MYO1E: variants seen among roughly 807,000 people sequenced by gnomAD.
MYO1E encodes the protein myosin IE.
Under a neutral mutation model 151.1 loss-of-function variants are expected in MYO1E, and 68 were observed. That is an observed-to-expected ratio of 0.45 (90% CI 0.37 to 0.55). The LOEUF (loss-of-function observed/expected upper bound fraction) is 0.55. MYO1E is among the 20% of genes least tolerant of loss of function. MYO1E has a pLI of 0.00. For missense variants in MYO1E, 1,363 were observed against 1,389.3 expected (o/e 0.98, Z 0.30); for synonymous variants, 601 against 501.7 (o/e 1.20, Z -2.64).
In MYO1E at chr15:59,213,126, G is replaced by C. The variant is rs576976401; in HGVS notation, c.1275+1102C>G. On this transcript the variant is annotated intron_variant, in intron 12 of 27. Coordinates refer to ENST00000288235, the MANE Select transcript of MYO1E (RefSeq NM_004998.4). ...ATCAGGAAACAATGGAAACTGCACT[G>C]AACTATTTATTTATTATTATTATTA... Among the ~76,000 whole-genome samples the C allele has an allele frequency of 2.2e-5, 3 of 134,904 alleles. No homozygotes were observed. In the South Asian group the frequency reaches 7.1e-4, roughly 32 times the overall value. The allele number at this position is 134,904 out of a possible 152,430, so 88.5% of individuals were successfully genotyped here.
chr15:59,141,797 CAAAAA>C (rs753344067), intron 26 of MYO1E, among the ~76,000 whole-genome samples: 8 of 44,934 alleles, frequency 1.8e-4, no homozygotes, highest in Non-Finnish European at 3.5e-4. Context: ...GACTTTGTCT[CAAAAA>C]AAAAAAAAAA....
At chr15:59,302,238 G>T (rs1327587629) in intron 1 of MYO1E, among the ~76,000 whole-genome samples, 2 of 152,116 alleles carry the variant, frequency 1.3e-5, no homozygotes, top group Non-Finnish European at 2.9e-5. Flanking sequence ...TAAGATTTAG[G>T]GACATGTCCA....
chr15:59,358,230 G>A (rs767207504), intron 1 of MYO1E, among the ~76,000 whole-genome samples: 3 of 151,964 alleles, frequency 2.0e-5, no homozygotes, highest in Non-Finnish European at 4.4e-5. Context: ...AGGAGGAGGA[G>A]GACAAAAAGG....
chr15:59,365,032 CTTTT>C (rs200786215), intron 1 of MYO1E, among the ~76,000 whole-genome samples: 1 of 146,630 alleles, frequency 6.8e-6, no homozygotes, highest in African/African-American at 2.5e-5. Context: ...ATTTCTTTTT[CTTTT>C]TTTTTTTCTT....
intron 1 of MYO1E, among the ~76,000 whole-genome samples, chr15:59,313,616 G>A (rs1444474642): frequency 9.3e-5 from 14 of 150,606 alleles, no homozygotes; most frequent in African/African-American, 3.2e-4. Flanking sequence ...TCAAGCTCTT[G>A]TTTCTGAGAA....
intron 1 of MYO1E, among the ~76,000 whole-genome samples, chr15:59,317,710 T>C (rs936198658): frequency 1.4e-4 from 21 of 152,150 alleles, no homozygotes; most frequent in African/African-American, 4.8e-4. Flanking sequence ...GGGACAGATT[T>C]AGGAGAACAA....
chr15:59,190,028 G>C (rs886834744), intron 17 of MYO1E, among the ~76,000 whole-genome samples: 1 of 152,130 alleles, frequency 6.6e-6, no homozygotes, highest in Non-Finnish European at 1.5e-5. Context: ...GTCTAAGGTG[G>C]AGCACGGACA....
chr15:59,287,680 T>C (rs2080395018), intron 1 of MYO1E, among the ~76,000 whole-genome samples: 2 of 152,212 alleles, frequency 1.3e-5, no homozygotes, highest in African/African-American at 4.8e-5. Context: ...GTTTTTCCCA[T>C]GTCTGTGAGG....
intron 12 of MYO1E, chr15:59,212,810 A>G (rs995007565): frequency 1.3e-5 from 2 of 152,220 alleles, no homozygotes; most frequent in Non-Finnish European, 2.9e-5. Flanking sequence ...TTCATGAAAG[A>G]GACGGAGATT....
intron 1 of MYO1E, among the ~76,000 whole-genome samples, chr15:59,356,732 C>T (rs1001253644): frequency 4.6e-5 from 7 of 151,910 alleles, no homozygotes; most frequent in Admixed American, 1.3e-4. Flanking sequence ...TGTGTAACAC[C>T]ACAACCGGCT....
chr15:59,137,107 C>G lies in MYO1E; in HGVS notation c.*273G>C. ...TGAGCAGACCTCACTTGTCCTCTCA[C>G]CAGGTTTAAATACAATAAATAAATC... is the stretch of plus-strand genomic sequence containing the variant. On this transcript the variant is annotated 3_prime_UTR_variant, in exon 28 of 28. Coordinates refer to ENST00000288235, the MANE Select transcript of MYO1E (RefSeq NM_004998.4). 1 of 483,858 alleles carries G rather than the reference C, an allele frequency of 2.1e-6. No individual in the cohort carries two copies. Among genetic ancestry groups the G allele is most frequent in the East Asian group, 3.9e-5 (1 of 25,794 alleles). The allele number at this position is 483,858 out of a possible 1,614,324, so 30.0% of individuals were successfully genotyped here.
chr15:59,157,564 A>T (rs2079515782), intron 25 of MYO1E, among the ~76,000 whole-genome samples: 1 of 152,164 alleles, frequency 6.6e-6, no homozygotes, highest in Non-Finnish European at 1.5e-5. Flanking sequence ...CCCTTTGCCC[A>T]GCCTATCCAT....
intron 1 of MYO1E, among the ~76,000 whole-genome samples, chr15:59,372,287 T>G (rs1239745052): frequency 6.6e-6 from 1 of 152,144 alleles, no homozygotes; most frequent in Non-Finnish European, 1.5e-5. Context: ...GAAACCGACT[T>G]GGAATAAAGT....
chr15:59,187,070 G>T (rs1450981884), intron 18 of MYO1E, among the ~76,000 whole-genome samples: 1 of 152,086 alleles, frequency 6.6e-6, no homozygotes, highest in African/African-American at 2.4e-5. Flanking sequence ...TCCTGAAATT[G>T]TCTTCATACT....
chr15:59,172,525 C>T (rs1307709934), intron 21 of MYO1E, among the ~76,000 whole-genome samples: 1 of 152,174 alleles, frequency 6.6e-6, no homozygotes, highest in Non-Finnish European at 1.5e-5. Flanking sequence ...GGGCATTGTT[C>T]ATGATTATTA....
chr15:59,361,714 T>C (rs17302351), intron 1 of MYO1E, among the ~76,000 whole-genome samples: 21,037 of 152,222 alleles, frequency 0.14, 1,663 homozygotes, highest in East Asian at 0.29. Flanking sequence ...TTTGGATTTT[T>C]CTATATGTAA....
chr15:59,176,448 CCTT>C (rs1157912589), intron 19 of MYO1E, among the ~76,000 whole-genome samples: 2 of 39,196 alleles, frequency 5.1e-5, no homozygotes, highest in African/African-American at 1.9e-4. Context: ...TTTTCTTTTT[CCTT>C]TTTTTTTTTT....
In MYO1E at chr15:59,167,781, A is replaced by G. The variant is rs2079570617; in HGVS notation, c.2480+4116T>C. 2.0e-5 allele frequency among the ~76,000 whole-genome samples: 3 copies of G among 152,160 alleles called. No homozygotes were observed. In the South Asian group the frequency reaches 6.2e-4, roughly 32 times the overall value. On this transcript the variant is annotated intron_variant, in intron 22 of 27. Coordinates refer to ENST00000288235, the MANE Select transcript of MYO1E (RefSeq NM_004998.4). ...ACCCTCCGCCTCCTGGGCTCAAGCG[A>G]TTCTCCTGCCGCAGCCTCCTAAGTA...
At position 59,210,885 on chromosome 15, in the gene MYO1E, C is replaced by CA. The variant is rs113888733; in HGVS notation, c.1276-286dup. On this transcript the variant is annotated intron_variant, in intron 12 of 27. Transcript: ENST00000288235. ...AGCACCGAACTGATAAATCCAGTTA[C>CA]AAAAAAATCACAAAACTCTTAAAAT... 0.1 allele frequency among the ~76,000 whole-genome samples: 15,724 copies of CA among 151,916 alleles called. 1,182 individuals carry two copies. The highest frequency in any genetic ancestry group is 0.21 in the African/African-American group (8,780 of 41,368).
Sources: gnomAD v4.1 joint callset for allele counts (sites outside exome capture counted in the v4.1 genomes callset) on GRCh38, gnomAD v4.1.1 for gene constraint, MANE v1.5 for transcripts, NCBI Gene and HGNC (gene_info 2026-07-23, HGNC 2026-07-21) for gene names.